Variants in RASGEF1A observed in about 807,000 individuals in gnomAD.
RASGEF1A encodes RasGEF domain family member 1A, also known as ras-GEF domain-containing family member 1A.
Under a neutral mutation model 56.4 loss-of-function variants are expected in RASGEF1A, and 18 were observed. That is an observed-to-expected ratio of 0.32 (90% confidence interval 0.22 to 0.47). The LOEUF (loss-of-function observed/expected upper bound fraction) is 0.47. Among genes scored for constraint, RASGEF1A ranks in the 20% least tolerant of loss-of-function variants. RASGEF1A has a pLI of 1.00. For missense variants in RASGEF1A, 422 were observed against 627.1 expected, an observed-to-expected ratio of 0.67 and a Z score of 3.49; for synonymous variants, 245 against 242.6, an observed-to-expected ratio of 1.01 and a Z score of -0.09.
intron 1 of RASGEF1A, among the ~76,000 whole-genome samples, chr10:43,264,148 A>T (rs1836582939): frequency 6.6e-6 from 1 of 151,726 alleles, no homozygotes; most frequent in Admixed American, 6.6e-5. Flanking sequence ...GACCTTCCCA[A>T]ACCCTGCTCC....
At chr10:43,230,377 C>T (rs1840350023) in intron 1 of RASGEF1A, among the ~76,000 whole-genome samples, 1 of 152,214 alleles carries the variant, frequency 6.6e-6, no homozygotes, top group South Asian at 2.1e-4. Flanking sequence ...AGTGAGGCTC[C>T]TCCCGCCCCC....
Position 43,205,914 on chromosome 10 carries a change from C to T in RASGEF1A, c.198+5G>A, listed in dbSNP as rs755357052. The T allele has an allele frequency of 3.1e-6, 5 of 1,608,738 alleles. No homozygotes were observed. The highest frequency in any genetic ancestry group is 2.7e-5 in the African/African-American group (2 of 74,848). On this transcript the variant is annotated splice_donor_5th_base_variant and intron_variant, in intron 2 of 12. Transcript: ENST00000395810. ...GTCTCACTCCACAAGGCCCCACGTA[C>T]TCACATCGGGGTAATAGTCCACCGT...
chr10:43,200,919 C>T, intron 4 of RASGEF1A, 31 bp from the exon 5 acceptor site: 1 of 1,594,136 alleles, frequency 6.3e-7, no homozygotes, highest in Non-Finnish European at 8.6e-7. Context: ...AGGGTGCCAG[C>T]ATGGGCTGGC....
intron 9 of RASGEF1A, 149 bp from the exon 10 acceptor site, chr10:43,198,344 C>A: frequency 1.5e-6 from 1 of 646,482 alleles, no homozygotes; most frequent in Non-Finnish European, 2.5e-6. Context: ...AGGGGACGCC[C>A]AAGGGTGCCT....
At chr10:43,250,894 C>T (rs1489201234) in intron 1 of RASGEF1A, among the ~76,000 whole-genome samples, 3 of 152,144 alleles carry the variant, frequency 2.0e-5, no homozygotes, top group African/African-American at 4.8e-5. Context: ...GGCACTGACC[C>T]GCAACCCTGC....
intron 1 of RASGEF1A, among the ~76,000 whole-genome samples, chr10:43,230,374 C>A (rs944907328): frequency 1.2e-4 from 18 of 152,324 alleles, no homozygotes; most frequent in African/African-American, 4.3e-4. Context: ...CACAGTGAGG[C>A]TCCTCCCGCC....
At chr10:43,203,480 C>A in intron 2 of RASGEF1A, 60 bp from the exon 3 acceptor site, 2 of 1,463,566 alleles carry the variant, frequency 1.4e-6, no homozygotes, top group South Asian at 2.8e-5. Context: ...CGGGGGCTCA[C>A]CGCGCTGCTT....
At chr10:43,204,044 T>A (rs1423684486) in intron 2 of RASGEF1A, among the ~76,000 whole-genome samples, 4 of 151,996 alleles carry the variant, frequency 2.6e-5, no homozygotes, top group Non-Finnish European at 5.9e-5. Context: ...GGCCCCTCCA[T>A]ACCACATCCA....
At chr10:43,235,650 G>A (rs888826146) in intron 1 of RASGEF1A, among the ~76,000 whole-genome samples, 3 of 152,158 alleles carry the variant, frequency 2.0e-5, no homozygotes, top group African/African-American at 4.8e-5. Context: ...TCAGGGAGGC[G>A]GCACCAGTTA....
chr10:43,217,316 A>C (rs901351283), intron 1 of RASGEF1A, among the ~76,000 whole-genome samples: 1 of 152,122 alleles, frequency 6.6e-6, no homozygotes, highest in Non-Finnish European at 1.5e-5. Flanking sequence ...CCATTTCTCT[A>C]ACACCCCTGT....
chr10:43,262,145 C>T (rs980498125), intron 1 of RASGEF1A, among the ~76,000 whole-genome samples: 1 of 152,116 alleles, frequency 6.6e-6, no homozygotes, highest in African/African-American at 2.4e-5. Context: ...GGGGGAGGGT[C>T]CACCAGATTT....
At chr10:43,244,674 TAC>T (rs1203631411) in intron 1 of RASGEF1A, among the ~76,000 whole-genome samples, 2 of 138,494 alleles carry the variant, frequency 1.4e-5, no homozygotes, top group Non-Finnish European at 3.3e-5. Flanking sequence ...ATGTGGAAAT[TAC>T]ACAACATATT....
chr10:43,221,739 C>T lies in RASGEF1A; in HGVS notation c.-6-15617G>A, dbSNP rs919045486. 3.9e-5 allele frequency among the ~76,000 whole-genome samples: 6 copies of T among 152,240 alleles called. No homozygotes were observed. The East Asian group carries it at 9.6e-4, about 24-fold the overall frequency. ...GGCCCGTGCTGCATTCTAGCCCCTG[C>T]AAAACTGCCCACAAGCCTCACCACC... On this transcript the variant is annotated intron_variant, in intron 1 of 12. Coordinates refer to ENST00000395810, the MANE Select transcript of RASGEF1A (RefSeq NM_145313.4).
chr10:43,226,779 C>T (rs1025524427), intron 1 of RASGEF1A, among the ~76,000 whole-genome samples: 1 of 152,244 alleles, frequency 6.6e-6, no homozygotes, highest in African/African-American at 2.4e-5. Flanking sequence ...CACTTCCCGC[C>T]CTCATCTTTG....
intron 1 of RASGEF1A, among the ~76,000 whole-genome samples, chr10:43,233,696 G>A (rs566945183): frequency 2.6e-5 from 4 of 152,308 alleles, no homozygotes; most frequent in South Asian, 4.1e-4. Flanking sequence ...GCAGCCAGGC[G>A]GGAAAACAGC....
At chr10:43,202,714 G>A (rs1405750227) in intron 3 of RASGEF1A, 12 of 450,942 alleles carry the variant, frequency 2.7e-5, no homozygotes, top group South Asian at 9.4e-5. Context: ...CTCCAAACCA[G>A]CGGATTCCGC....
intron 1 of RASGEF1A, among the ~76,000 whole-genome samples, chr10:43,254,656 T>G (rs1840667524): frequency 6.6e-6 from 1 of 152,036 alleles, no homozygotes; most frequent in Admixed American, 6.6e-5. Context: ...AGGTGGGGGC[T>G]GGGAGTCCAT....
intron 1 of RASGEF1A, among the ~76,000 whole-genome samples, chr10:43,244,195 G>A (rs1036624677): frequency 2.6e-5 from 4 of 152,190 alleles, no homozygotes; most frequent in South Asian, 2.1e-4. Context: ...CAGCATGCTC[G>A]TTAAGAGTCA....
intron 1 of RASGEF1A, among the ~76,000 whole-genome samples, chr10:43,229,981 T>C (rs12764724): frequency 1.3e-5 from 2 of 151,586 alleles, no homozygotes; most frequent in African/African-American, 4.8e-5. Flanking sequence ...CGCCTGGCGC[T>C]AGGTGTGGGG....
Sources: gnomAD v4.1 joint callset for allele counts (sites outside exome capture counted in the v4.1 genomes callset) on GRCh38, gnomAD v4.1.1 for gene constraint, MANE v1.5 for transcripts, NCBI Gene and HGNC (gene_info 2026-07-23, HGNC 2026-07-21) for gene names.